Variants in AGBL1 observed in about 807,000 individuals in gnomAD.
AGBL1 encodes the protein AGBL carboxypeptidase 1.
A neutral mutation model predicts 118.9 loss-of-function variants in AGBL1; 130 were observed. The observed-to-expected ratio is 1.09, with a 90% confidence interval of 0.95 to 1.26. The LOEUF is 1.26. AGBL1 is among the 50% of genes most tolerant of loss of function. The pLI, the probability that AGBL1 is intolerant of heterozygous loss-of-function variation, is 0.00. For synonymous variants in AGBL1, 555 were observed against 478.9 expected (o/e 1.16, Z -2.08); for missense variants, 1,584 against 1,298.1 (o/e 1.22, Z -3.38).
intron 3 of AGBL1, among the ~76,000 whole-genome samples, chr15:86,145,699 C>T (rs1344313383): frequency 1.3e-5 from 2 of 152,160 alleles, no homozygotes; most frequent in Non-Finnish European, 2.9e-5. Flanking sequence ...CAATACAATT[C>T]GTTTGGTGAA....
intron 17 of AGBL1, among the ~76,000 whole-genome samples, chr15:86,326,006 C>T (rs1243122810): frequency 6.6e-6 from 1 of 152,168 alleles, no homozygotes; most frequent in Non-Finnish European, 1.5e-5. Context: ...CAGATATGAT[C>T]ATGTAAGTCT....
At chr15:86,494,238 G>C (rs1010832836) in intron 18 of AGBL1, among the ~76,000 whole-genome samples, 1 of 151,954 alleles carries the variant, frequency 6.6e-6, no homozygotes, top group African/African-American at 2.4e-5. Context: ...GTTGATGTGG[G>C]GTCATGTTTG....
intron 24 of AGBL1, among the ~76,000 whole-genome samples, chr15:87,011,581 T>C (rs2141781748): frequency 6.6e-6 from 1 of 152,292 alleles, no homozygotes; most frequent in Non-Finnish European, 1.5e-5. Context: ...AAATATTGCA[T>C]TTTCAGTATG....
At chr15:86,680,846 C>G (rs1220249636) in intron 22 of AGBL1, among the ~76,000 whole-genome samples, 1 of 151,966 alleles carries the variant, frequency 6.6e-6, no homozygotes, top group Non-Finnish European at 1.5e-5. Context: ...GGATTACAGG[C>G]GTGAGCCACT....
chr15:86,670,048 T>C (rs1315886761), intron 21 of AGBL1, among the ~76,000 whole-genome samples: 2 of 152,196 alleles, frequency 1.3e-5, no homozygotes, highest in Non-Finnish European at 2.9e-5. Flanking sequence ...ATTTCCTCAG[T>C]CATTCCTCGC....
At position 86,120,682 on chromosome 15, in the gene AGBL1, C is replaced by G. The variant is rs1898042263; in HGVS notation, c.52-21322C>G. Among the ~76,000 whole-genome samples the G allele has an allele frequency of 2.0e-5, 3 of 152,134 alleles. No homozygotes were observed. The South Asian group carries it at 6.2e-4, about 32-fold the overall frequency. On this transcript the variant is annotated intron_variant, in intron 1 of 22. Transcript: ENST00000614907. ...TGGATCCCTAGTGACTAGCAGAACT[C>G]TTGGCACATTTTTGGTTCTCAATAA...
intron 18 of AGBL1, among the ~76,000 whole-genome samples, chr15:86,466,230 T>C (rs575337000): frequency 3.7e-4 from 56 of 152,360 alleles, no homozygotes; most frequent in African/African-American, 1.3e-3. Context: ...TCATGCTTTA[T>C]TTCATTAAGT....
At chr15:86,738,776 T>C (rs1216242986) in intron 22 of AGBL1, among the ~76,000 whole-genome samples, 1 of 152,148 alleles carries the variant, frequency 6.6e-6, no homozygotes, top group Non-Finnish European at 1.5e-5. Flanking sequence ...GAGTGCATTA[T>C]AAGGCTCCAA....
chr15:86,646,024 A>G (rs181833551), intron 21 of AGBL1, among the ~76,000 whole-genome samples: 34 of 152,270 alleles, frequency 2.2e-4, no homozygotes, highest in African/African-American at 8.2e-4. Context: ...AACTCCTCTG[A>G]ATGTGTAATA....
intron 22 of AGBL1, among the ~76,000 whole-genome samples, chr15:86,712,023 C>T (rs897481354): frequency 6.6e-6 from 1 of 152,150 alleles, no homozygotes; most frequent in African/African-American, 2.4e-5. Context: ...AGAGAAGTCA[C>T]TTCTGCAAAG....
chr15:86,106,702 T>A (rs1897075336), intron 1 of AGBL1, among the ~76,000 whole-genome samples: 1 of 152,252 alleles, frequency 6.6e-6, no homozygotes, highest in African/African-American at 2.4e-5. Context: ...TTATCCATTT[T>A]ACTGATCTGG....
At position 86,971,462 on chromosome 15, in the gene AGBL1, C is replaced by A. The variant is rs74667633; in HGVS notation, c.3222-16525C>A. ...TTGATATTAATGCTAAATATTGCCT[C>A]ATTTATACTATTCCTACTAACCCAA... is the stretch of plus-strand genomic sequence containing the variant. On this transcript the variant is annotated intron_variant, in intron 23 of 24. Coordinates refer to the AGBL1 transcript ENST00000441037. Among the ~76,000 whole-genome samples, 1,078 of 151,968 alleles carry A rather than the reference C, an allele frequency of 7.1e-3. 13 individuals carry two copies. The highest frequency in any genetic ancestry group is 0.034 in the Middle Eastern group (10 of 294).
At position 86,558,472 on chromosome 15, in the gene AGBL1, C is replaced by T. The variant is rs529105729; in HGVS notation, c.2994+3935C>T. On this transcript the variant is annotated intron_variant, in intron 21 of 22. Coordinates refer to ENST00000614907, the MANE Select transcript of AGBL1 (RefSeq NM_001386094.1). ...CCTCTGTTGTAATTCCCTTGTGGTT[C>T]AACCTCCCCCTCTGCCCAACTTTGT... Among the ~76,000 whole-genome samples the T allele has an allele frequency of 5.3e-5, 8 of 152,294 alleles. No individual in the cohort carries two copies. The South Asian group carries it at 1.4e-3, about 28-fold the overall frequency.
chr15:86,830,434 C>T (rs780648091), intron 22 of AGBL1, among the ~76,000 whole-genome samples: 7 of 152,096 alleles, frequency 4.6e-5, no homozygotes, highest in Non-Finnish European at 8.8e-5. Context: ...AAAGCATCTA[C>T]CACCAAGGAG....
At chr15:86,869,591 T>C (rs1202486652) in intron 22 of AGBL1, among the ~76,000 whole-genome samples, 1 of 152,144 alleles carries the variant, frequency 6.6e-6, no homozygotes, top group Admixed American at 6.5e-5. Context: ...GTAGATCCGA[T>C]ATGTGGATAA....
At chr15:86,403,778 T>C (rs2010149) in intron 18 of AGBL1, among the ~76,000 whole-genome samples, 1,655 of 152,284 alleles carry the variant, frequency 0.011, 35 homozygotes, top group African/African-American at 0.038. Flanking sequence ...CTCAAGTCTA[T>C]CCCACATTAC....
At chr15:86,132,626 C>G (rs2076834812) in intron 1 of AGBL1, among the ~76,000 whole-genome samples, 1 of 152,152 alleles carries the variant, frequency 6.6e-6, no homozygotes, top group African/African-American at 2.4e-5. Flanking sequence ...GCTTTCCAAT[C>G]AGCATCATTT....
chr15:86,807,952 T>C (rs948073769), intron 22 of AGBL1, among the ~76,000 whole-genome samples: 38 of 152,142 alleles, frequency 2.5e-4, no homozygotes, highest in African/African-American at 8.9e-4. Flanking sequence ...CACTTGGTAG[T>C]TGCATAAACA....
At chr15:86,147,779 T>A (rs2077052531) in intron 3 of AGBL1, among the ~76,000 whole-genome samples, 1 of 152,202 alleles carries the variant, frequency 6.6e-6, no homozygotes, top group South Asian at 2.1e-4. Context: ...GTGTTTGAGC[T>A]CTGAGAACAG....
Sources: allele counts gnomAD v4.1 joint callset (sites outside exome capture counted in the v4.1 genomes callset), GRCh38; gene constraint gnomAD v4.1.1; transcripts MANE v1.5; gene names NCBI Gene and HGNC (gene_info 2026-07-23, HGNC 2026-07-21).